The following YAF2 variants were observed in gnomAD, a reference collection of about 807,000 sequenced individuals.
The protein encoded by YAF2 is YY1-associated factor 2.
YAF2 carries 7 observed loss-of-function variants against 20.1 expected under a neutral mutation model. That is an observed-to-expected ratio of 0.35 (90% confidence interval 0.20 to 0.65). The LOEUF (loss-of-function observed/expected upper bound fraction) is 0.65, where lower values mean the gene tolerates loss of function less well. Ranked by LOEUF, YAF2 falls within the 30% of genes least tolerant of loss-of-function variation. The pLI, the probability that YAF2 is intolerant of heterozygous loss-of-function variation, is 0.69. For synonymous variants in YAF2, 74 were observed against 76.0 expected, an observed-to-expected ratio of 0.97 and a Z score of 0.14; for missense variants, 151 against 219.2, an observed-to-expected ratio of 0.69 and a Z score of 1.96.
At chr12:42,227,952 A>G (rs1293828276) in intron 2 of YAF2, among the ~76,000 whole-genome samples, 1 of 115,606 alleles carries the variant, frequency 8.7e-6, no homozygotes, top group Non-Finnish European at 1.8e-5. Context: ...CCAGCCAGCC[A>G]CCCTGTCCGG....
intron 2 of YAF2, chr12:42,235,696 G>A: frequency 6.5e-7 from 1 of 1,532,142 alleles, no homozygotes; most frequent in Middle Eastern, 2.1e-4. Flanking sequence ...ATGCTTCTCT[G>A]AGTCCTCCTC....
At chr12:42,181,496 G>C (rs537336350) in intron 2 of YAF2, among the ~76,000 whole-genome samples, 1 of 152,278 alleles carries the variant, frequency 6.6e-6, no homozygotes, top group South Asian at 2.1e-4. Flanking sequence ...ACTGCTCCGG[G>C]AACAGCTTAC....
chr12:42,181,519 A>C (rs1196633197), intron 2 of YAF2, among the ~76,000 whole-genome samples: 1 of 152,188 alleles, frequency 6.6e-6, no homozygotes, highest in Non-Finnish European at 1.5e-5. Flanking sequence ...CAGTATTCTC[A>C]AAGCACAGTC....
intron 2 of YAF2, among the ~76,000 whole-genome samples, chr12:42,178,740 G>A (rs1359064395): frequency 6.6e-6 from 1 of 152,120 alleles, no homozygotes; most frequent in Non-Finnish European, 1.5e-5. Flanking sequence ...CATGCTAAAT[G>A]AAGAAAATTT....
chr12:42,228,230 C>T (rs1241947068), intron 2 of YAF2, among the ~76,000 whole-genome samples: 5 of 92,948 alleles, frequency 5.4e-5, no homozygotes, highest in Admixed American at 1.0e-4. Context: ...CCAGCCGCCC[C>T]GTCCTGGAGG....
intron 2 of YAF2, among the ~76,000 whole-genome samples, chr12:42,171,884 A>C (rs1015818877): frequency 1.3e-5 from 2 of 152,136 alleles, no homozygotes; most frequent in East Asian, 3.9e-4. Flanking sequence ...GGATCACCTG[A>C]ACCTGGGAGG....
chr12:42,238,131 G>A (rs752467811), intron 1 of YAF2, 24 bp downstream of exon 1: 2 of 1,532,004 alleles, frequency 1.3e-6, no homozygotes, highest in Non-Finnish European at 1.8e-6. Context: ...CACAGTCCGG[G>A]CCCCGGGGCC....
Position 42,160,664 on chromosome 12 carries a change from A to T in YAF2, c.468T>A (p.Asp156Glu). 1.9e-6 allele frequency: 3 copies of T among 1,613,850 alleles called. No individual in the cohort carries two copies. Among genetic ancestry groups the T allele is most frequent in the Non-Finnish European group, 2.5e-6 (3 of 1,179,884 alleles). The change falls in exon 4 of 4, where the codon GAT becomes GAA. Residue 156 changes from aspartate (D) to glutamate (E), a missense_variant. This residue lies in a region of YAF2 where 51 missense variants were observed against 48.9 expected (regional missense o/e 1.04). Transcript: ENST00000534854. ...DQHSQSGSSS[D>E]NTERGMSRSS... is the part of the protein sequence containing the mutation. ...ACCTGGACATTCCTCTCTCTGTGTT[A>T]TCAGAGCTAGAGCCGCTTTGACTGT...
chr12:42,199,252 A>T, intron 2 of YAF2: 5 of 1,270,354 alleles, frequency 3.9e-6, no homozygotes, highest in Non-Finnish European at 5.1e-6. Context: ...AAAGGGTTAC[A>T]GAGTAAGAAA....
At chr12:42,210,262 ACTT>A (rs1241154560) in intron 2 of YAF2, 12 of 670,222 alleles carry the variant, frequency 1.8e-5, no homozygotes, top group Non-Finnish European at 2.8e-5. Flanking sequence ...ATCCCAAGTA[ACTT>A]CCTTTCTTTT....
At chr12:42,205,378 CTTTT>C (rs572839071) in intron 2 of YAF2, among the ~76,000 whole-genome samples, 2 of 140,686 alleles carry the variant, frequency 1.4e-5, no homozygotes, top group Admixed American at 7.1e-5. Context: ...TGCTTCTTCT[CTTTT>C]TTTTTTTTTT....
chr12:42,163,316 A>AT (rs2065840688), intron 2 of YAF2, among the ~76,000 whole-genome samples: 1 of 152,196 alleles, frequency 6.6e-6, no homozygotes, highest in Admixed American at 6.5e-5. Flanking sequence ...AAGCAGTCTG[A>AT]TTTTATCCTT....
intron 2 of YAF2, among the ~76,000 whole-genome samples, chr12:42,187,993 G>A (rs2066516547): frequency 6.6e-6 from 1 of 152,186 alleles, no homozygotes; most frequent in Admixed American, 6.5e-5. Context: ...GCTGAGTCAA[G>A]CCTTCAGGTA....
At chr12:42,203,501 AT>A (rs2066954692) in intron 2 of YAF2, among the ~76,000 whole-genome samples, 1 of 152,130 alleles carries the variant, frequency 6.6e-6, no homozygotes, top group East Asian at 1.9e-4. Context: ...AAGTTTCACT[AT>A]TAAGCATGAT....
At chr12:42,179,069 A>G (rs1212438252) in intron 2 of YAF2, among the ~76,000 whole-genome samples, 1 of 152,206 alleles carries the variant, frequency 6.6e-6, no homozygotes, top group Non-Finnish European at 1.5e-5. Context: ...AAAGAAAGAA[A>G]AAATACACTT....
At chr12:42,198,094 G>A (rs1249747285) in intron 2 of YAF2, among the ~76,000 whole-genome samples, 1 of 151,964 alleles carries the variant, frequency 6.6e-6, no homozygotes, top group Non-Finnish European at 1.5e-5. Flanking sequence ...CCCATAGAGT[G>A]AAATGTTGGG....
intron 2 of YAF2, among the ~76,000 whole-genome samples, chr12:42,188,552 T>G (rs2066533447): frequency 6.6e-6 from 1 of 151,794 alleles, no homozygotes; most frequent in Admixed American, 6.6e-5. Context: ...TGCCCACTAA[T>G]TTTTATATTT....
chr12:42,187,134 TTTTA>T (rs769420260), intron 2 of YAF2, among the ~76,000 whole-genome samples: 1 of 152,012 alleles, frequency 6.6e-6, no homozygotes, highest in African/African-American at 2.4e-5. Flanking sequence ...TATTTTATAT[TTTTA>T]TTTATTTATT....
At position 42,180,765 on chromosome 12, in the gene YAF2, A is replaced by G. The variant is rs1457641664; in HGVS notation, c.153-19000T>C. On this transcript the variant is annotated intron_variant, in intron 2 of 3. Transcript: ENST00000534854. The stretch of plus-strand genomic sequence containing the variant: ...GGAGTTTGAGACCAGCCTGGTCAAC[A>G]TGGCAGAACCCCATCTCTACTAAAA... Among the ~76,000 whole-genome samples the G allele has an allele frequency of 2.0e-5, 3 of 152,112 alleles. No individual in the cohort carries two copies. The East Asian group carries it at 5.8e-4, about 29-fold the overall frequency.
Sources: gnomAD v4.1 joint callset for allele counts (sites outside exome capture counted in the v4.1 genomes callset) on GRCh38, gnomAD v4.1.1 for gene constraint, gnomAD v4.1.1 regional missense constraint, MANE v1.5 for transcripts, NCBI Gene and HGNC (gene_info 2026-07-23, HGNC 2026-07-21) for gene names.